The following NKAIN2 variants were observed in gnomAD, a reference collection of about 807,000 sequenced individuals.
The protein encoded by NKAIN2 is sodium/potassium transporting ATPase interacting 2, also known as sodium/potassium-transporting ATPase subunit beta-1-interacting protein 2.
In NKAIN2, 14 loss-of-function variants were observed where a neutral mutation model predicts 32.6. That is an observed-to-expected ratio of 0.43 (90% CI 0.28 to 0.67). The LOEUF is 0.67. NKAIN2 is among the 30% of genes least tolerant of loss of function. The pLI is 0.17. For missense variants in NKAIN2, 198 were observed against 258.3 expected (o/e 0.77, Z 1.60); for synonymous variants, 80 against 87.2 (o/e 0.92, Z 0.46).
chr6:124,408,300 G>A (rs966305594), intron 3 of NKAIN2, among the ~76,000 whole-genome samples: 3 of 152,120 alleles, frequency 2.0e-5, no homozygotes, highest in African/African-American at 7.2e-5. Context: ...GTATTGTCTA[G>A]GTTTTCTTCT....
chr6:124,155,798 G>A (rs982591472), intron 1 of NKAIN2, among the ~76,000 whole-genome samples: 2 of 152,004 alleles, frequency 1.3e-5, no homozygotes, highest in African/African-American at 4.8e-5. Context: ...TATTAAAGCT[G>A]ATGTTTTCAA....
At chr6:124,536,704 T>A (rs1779728512) in intron 3 of NKAIN2, among the ~76,000 whole-genome samples, 1 of 152,158 alleles carries the variant, frequency 6.6e-6, no homozygotes, top group Non-Finnish European at 1.5e-5. Context: ...AGACTGGAAT[T>A]ACAGATGATC....
intron 3 of NKAIN2, among the ~76,000 whole-genome samples, chr6:124,436,817 T>C (rs1775467091): frequency 6.6e-6 from 1 of 152,144 alleles, no homozygotes; most frequent in Admixed American, 6.6e-5. Context: ...CCAGAACATG[T>C]CACTGCTCTG....
chr6:124,274,891 C>T (rs1448024270), intron 1 of NKAIN2, among the ~76,000 whole-genome samples: 2 of 151,998 alleles, frequency 1.3e-5, no homozygotes, highest in African/African-American at 4.8e-5. Context: ...ATTAGGCATA[C>T]ACACACACTC....
chr6:124,153,567 T>C (rs527393681), intron 1 of NKAIN2, among the ~76,000 whole-genome samples: 1 of 151,894 alleles, frequency 6.6e-6, no homozygotes, highest in African/African-American at 2.4e-5. Flanking sequence ...ATTTTCAGTG[T>C]TGTAGTCTTG....
intron 1 of NKAIN2, among the ~76,000 whole-genome samples, chr6:124,245,452 T>C (rs1192216649): frequency 6.6e-6 from 1 of 152,090 alleles, no homozygotes; most frequent in African/African-American, 2.4e-5. Context: ...TATGGTTTCA[T>C]TAGCTTCAAA....
At chr6:123,959,925 ATGTGTGTGTGTG>A (rs6149793) in intron 1 of NKAIN2, among the ~76,000 whole-genome samples, 34,299 of 141,256 alleles carry the variant, frequency 0.24, 4,020 homozygotes, top group South Asian at 0.32. Flanking sequence ...TCTTCCATAT[ATGTGTGTGTGTG>A]TGTGTGTGTG....
chr6:124,219,092 T>C (rs1791650764), intron 1 of NKAIN2, among the ~76,000 whole-genome samples: 1 of 152,032 alleles, frequency 6.6e-6, no homozygotes, highest in Non-Finnish European at 1.5e-5. Context: ...GAATAACAGG[T>C]TGCTCCCTCA....
At chr6:124,661,214 G>C (rs1211176992) in intron 4 of NKAIN2, among the ~76,000 whole-genome samples, 1 of 152,172 alleles carries the variant, frequency 6.6e-6, no homozygotes, top group Non-Finnish European at 1.5e-5. Context: ...GCAGTTTAAG[G>C]CATAATCTTG....
intron 1 of NKAIN2, among the ~76,000 whole-genome samples, chr6:124,277,328 G>A (rs1346007985): frequency 2.6e-5 from 4 of 151,954 alleles, no homozygotes; most frequent in Non-Finnish European, 4.4e-5. Context: ...AACTTTAATG[G>A]TACCTACAGA....
intron 1 of NKAIN2, among the ~76,000 whole-genome samples, chr6:124,075,026 G>A (rs1783629042): frequency 6.6e-6 from 1 of 152,034 alleles, no homozygotes; most frequent in South Asian, 2.1e-4. Flanking sequence ...TACTAGTTTT[G>A]ACAAGTGTTA....
intron 1 of NKAIN2, among the ~76,000 whole-genome samples, chr6:124,223,181 C>T (rs978304285): frequency 1.4e-5 from 2 of 138,038 alleles, no homozygotes; most frequent in East Asian, 4.3e-4. Context: ...CCACTGTACT[C>T]CAGCCTGGGC....
chr6:124,073,528 G>A (rs1016527034), intron 1 of NKAIN2, among the ~76,000 whole-genome samples: 1 of 152,140 alleles, frequency 6.6e-6, no homozygotes, highest in Non-Finnish European at 1.5e-5. Flanking sequence ...TCTACAAAGA[G>A]TCATAGATTT....
chr6:124,685,104 T>C (rs1773801820), intron 4 of NKAIN2, among the ~76,000 whole-genome samples: 1 of 152,196 alleles, frequency 6.6e-6, no homozygotes, highest in African/African-American at 2.4e-5. Flanking sequence ...TTGGAAGTCA[T>C]TTGTTTACAT....
chr6:124,626,821 T>C (rs768397146), intron 3 of NKAIN2, among the ~76,000 whole-genome samples: 16 of 152,182 alleles, frequency 1.1e-4, no homozygotes, highest in Non-Finnish European at 2.2e-4. Flanking sequence ...GTTTTACTTA[T>C]CAAGACCTAT....
intron 1 of NKAIN2, among the ~76,000 whole-genome samples, chr6:124,212,668 T>C (rs1791250513): frequency 6.6e-6 from 1 of 152,162 alleles, no homozygotes; most frequent in Admixed American, 6.6e-5. Flanking sequence ...AATTTCCACA[T>C]TTTTGAAAGG....
intron 3 of NKAIN2, among the ~76,000 whole-genome samples, chr6:124,481,310 G>A (rs559440249): frequency 6.6e-6 from 1 of 151,718 alleles, no homozygotes; most frequent in Non-Finnish European, 1.5e-5. Context: ...TAATACCCTT[G>A]GGTCCCAGAT....
At chr6:124,104,674 A>G (rs1324722961) in intron 1 of NKAIN2, among the ~76,000 whole-genome samples, 3 of 152,228 alleles carry the variant, frequency 2.0e-5, no homozygotes, top group Non-Finnish European at 4.4e-5. Flanking sequence ...ATAATGTTGG[A>G]GATTCATGAA....
chr6:124,211,478 C>A (rs1158317957), intron 1 of NKAIN2, among the ~76,000 whole-genome samples: 3 of 151,856 alleles, frequency 2.0e-5, no homozygotes, highest in African/African-American at 7.2e-5. Flanking sequence ...TTGTTAGATA[C>A]TTTCACAAAA....
Sources: allele counts gnomAD v4.1 joint callset (sites outside exome capture counted in the v4.1 genomes callset), GRCh38; gene constraint gnomAD v4.1.1; transcripts MANE v1.5; gene names NCBI Gene and HGNC (gene_info 2026-07-23, HGNC 2026-07-21).